The following SLC28A1 variants were observed in gnomAD, a reference collection of about 807,000 sequenced individuals.
The protein encoded by SLC28A1 is sodium/nucleoside cotransporter 1.
In SLC28A1, 64 loss-of-function variants were observed where a neutral mutation model predicts 74.8. The ratio of observed to expected loss-of-function variants is 0.86; its 90% CI spans 0.70 to 1.05. The LOEUF is 1.05. SLC28A1 is among the 50% of genes least tolerant of loss of function. The pLI is 0.00. For synonymous variants in SLC28A1, 359 were observed against 335.0 expected, an observed-to-expected ratio of 1.07 and a Z score of -0.78; for missense variants, 828 against 822.8, an observed-to-expected ratio of 1.01 and a Z score of -0.08.
At position 84,908,756 on chromosome 15, in the gene SLC28A1, G is replaced by C. The variant is rs775664316; in HGVS notation, c.756G>C (p.Val252=). 5.0e-6 allele frequency: 8 copies of C among 1,613,946 alleles called. No individual in the cohort carries two copies. In the East Asian group the frequency reaches 1.6e-4, roughly 31 times the overall value. The change falls in exon 9 of 19, where the codon GTG becomes GTC. Residue 252 remains valine (V), a synonymous_variant. Coordinates refer to ENST00000394573, the MANE Select transcript of SLC28A1 (RefSeq NM_004213.5). ...ACACGAAGGCTGGCTCCAGCTTCGTGTTTGGGGAGGCGCTGGTCAAGGATG... is the reference window on the plus strand; with the variant it reads ...ACACGAAGGCTGGCTCCAGCTTCGTCTTTGGGGAGGCGCTGGTCAAGGATG... The part of the protein sequence containing the change: ...LSYTKAGSSF[V]FGEALVKDVF...
intron 12 of SLC28A1, among the ~76,000 whole-genome samples, chr15:84,932,163 G>A (rs550579509): frequency 1.3e-5 from 2 of 152,272 alleles, no homozygotes; most frequent in African/African-American, 4.8e-5. Flanking sequence ...TACCTGCAAT[G>A]TTGTGGGCCC....
Position 84,918,584 on chromosome 15 carries a change from A to G in SLC28A1, c.856A>G (p.Met286Val), listed in dbSNP as rs1969419975. The part of the protein sequence containing the change: ...VISVLYHVGL[M>V]QWVILKIAWL... ...ATCCGTTCTCTACCACGTGGGCCTC[A>G]TGCAGTGGGTGATCCTGAAGGTAAG... Residue 286 changes from methionine to valine, a missense_variant, in exon 10 of 19, where the codon ATG becomes GTG. By Grantham distance (21) the Met-to-Val change is conservative. Around this residue, in one of 3 missense-constraint regions of SLC28A1, gnomAD observed 767 missense variants for 753.5 expected, o/e 1.02. Transcript: ENST00000394573. 1 of 1,613,416 alleles carries G rather than the reference A, an allele frequency of 6.2e-7. No individual in the cohort carries two copies. The highest frequency in any genetic ancestry group is 8.5e-7 in the Non-Finnish European group (1 of 1,179,440).
At chr15:84,946,101 T>C (rs2079207545), downstream of SLC28A1, among the ~76,000 whole-genome samples, 1 of 25,636 alleles carries the variant, frequency 3.9e-5, no homozygotes, top group African/African-American at 1.2e-4. Context: ...TATATATATA[T>C]ATATATATAT....
the SLC28A1 span, among the ~76,000 whole-genome samples, chr15:84,971,618 C>G: frequency 2.0e-5 from 3 of 151,956 alleles, no homozygotes; most frequent in Non-Finnish European, 2.9e-5. Context: ...GAATGTACAC[C>G]AAATATACCC....
In SLC28A1 at chr15:84,943,512, T is replaced by G; in HGVS notation, c.1649T>G (p.Met550Arg). ...GFANFSSIGI[M>R]LGGLTSMVPQ... is the part of the protein sequence containing the mutation. ...GCCAATTTCAGCTCCATTGGGATCA[T>G]GCTGGGAGGCTTGAGTGAGTCTAAT... Residue 550 changes from methionine to arginine, a missense_variant, in exon 16 of 19, where the codon ATG becomes AGG. Met to Arg is a moderately conservative substitution (Grantham distance 91, BLOSUM62 -1). Coordinates refer to ENST00000394573, the MANE Select transcript of SLC28A1 (RefSeq NM_004213.5). The G allele has an allele frequency of 6.2e-7, 1 of 1,613,854 alleles. No individual in the cohort carries two copies. Among genetic ancestry groups the G allele is most frequent in the Non-Finnish European group, 8.5e-7 (1 of 1,179,706 alleles).
At chr15:84,916,240 C>CAGGTGTGGGCCACCATGCCTGGCTTTTTT (rs1555449976) in intron 9 of SLC28A1, among the ~76,000 whole-genome samples, 1 of 98,424 alleles carries the variant, frequency 1.0e-5, no homozygotes, top group African/African-American at 4.9e-5. Flanking sequence ...GCTGGGATTA[C>CAGGTGTGGGCCACCATGCCTGGCTTTTTT]TTTTTTTTTT....
In SLC28A1 at chr15:84,935,064, C is replaced by T. The variant is rs752052787; in HGVS notation, c.1253C>T (p.Ala418Val). 3.4e-5 allele frequency: 55 copies of T among 1,613,952 alleles called. No individual in the cohort carries two copies. The highest frequency in any genetic ancestry group is 4.2e-5 in the Non-Finnish European group (50 of 1,179,916). ...CTCATAGAAGCAGCCAGCACTGGGG[C>T]CGCCATCTCCGTGAAGGTGGTCGCC... is the stretch of plus-strand genomic sequence containing the variant. ...QNLIEAASTG[A>V]AISVKVVANI... The change falls in exon 14 of 19, where the codon GCC (alanine) becomes GTC (valine). Residue 418 changes from alanine (A) to valine (V), a missense_variant. Ala to Val is a moderately conservative substitution (Grantham distance 64). This residue lies in a region of SLC28A1 where 767 missense variants were observed against 753.5 expected (regional missense o/e 1.02). Coordinates refer to ENST00000394573, the MANE Select transcript of SLC28A1 (RefSeq NM_004213.5).
intron 7 of SLC28A1, among the ~76,000 whole-genome samples, chr15:84,905,022 G>C (rs1233234348): frequency 6.6e-6 from 1 of 152,220 alleles, no homozygotes; most frequent in Non-Finnish European, 1.5e-5. Context: ...ATTATTAAAT[G>C]CTCATCAAGG....
chr15:84,952,076 A>T, the SLC28A1 span, among the ~76,000 whole-genome samples: 1 of 152,122 alleles, frequency 6.6e-6, no homozygotes. Flanking sequence ...CAGTCTACCC[A>T]CTAAGATCCG....
At chr15:84,946,068 A>ATATGTGTG (rs1555458378), downstream of SLC28A1, among the ~76,000 whole-genome samples, 208 of 60,154 alleles carry the variant, frequency 3.5e-3, 6 homozygotes, top group Middle Eastern at 0.026. Flanking sequence ...ACATATATAT[A>ATATGTGTG]TATGTGTGTG....
the SLC28A1 span, among the ~76,000 whole-genome samples, chr15:84,961,833 CG>C: frequency 1.3e-5 from 2 of 152,150 alleles, no homozygotes; most frequent in South Asian, 4.1e-4. Flanking sequence ...GGATTCACAA[CG>C]GCAGCACCTA....
intron 5 of SLC28A1, among the ~76,000 whole-genome samples, chr15:84,894,048 T>C (rs890028354): frequency 2.6e-5 from 4 of 152,156 alleles, no homozygotes; most frequent in African/African-American, 9.7e-5. Flanking sequence ...TCCTTTCCAT[T>C]CTTCGAAGAT....
At chr15:84,900,463 C>CGAAGAGAA (rs1173566973) in intron 6 of SLC28A1, among the ~76,000 whole-genome samples, 1 of 147,046 alleles carries the variant, frequency 6.8e-6, no homozygotes, top group Non-Finnish European at 1.5e-5. Flanking sequence ...GGAAATTCTT[C>CGAAGAGAA]GAAGAGAAGG....
the SLC28A1 span, among the ~76,000 whole-genome samples, chr15:84,965,903 A>AGGGGGGGGGGGGGG: frequency 8.5e-6 from 1 of 117,762 alleles, no homozygotes; most frequent in African/African-American, 3.3e-5. Flanking sequence ...GGAGGCGGGG[A>AGGGGGGGGGGGGGG]GGGGGGGGAA....
Position 84,904,203 on chromosome 15 carries a change from G to A in SLC28A1, c.568G>A (p.Ala190Thr), listed in dbSNP as rs45523532. The A allele has an allele frequency of 2.0e-5, 33 of 1,613,974 alleles. No homozygotes were observed. The East Asian group carries it at 5.1e-4, about 25-fold the overall frequency. The change falls in exon 7 of 19, where the codon GCT (alanine) becomes ACT (threonine). Residue 190 changes from alanine (A) to threonine (T), a missense_variant. Coordinates refer to ENST00000394573, the MANE Select transcript of SLC28A1 (RefSeq NM_004213.5). ...VSFAGICVFV[A>T]LLFACSKHHC... ...CTTCGCAGGAATCTGCGTGTTCGTC[G>A]CTCTCCTCTTTGCCTGCTCAAAGCA...
At chr15:84,962,396 T>A in the SLC28A1 span, among the ~76,000 whole-genome samples, 1 of 152,184 alleles carries the variant, frequency 6.6e-6, no homozygotes, top group Non-Finnish European at 1.5e-5. Context: ...TTATAGAGAC[T>A]CTGTAAGGTG....
At chr15:84,943,310 C>T (rs898250175) in intron 15 of SLC28A1, 135 bp from the exon 16 acceptor site, 8 of 697,510 alleles carry the variant, frequency 1.1e-5, no homozygotes, top group African/African-American at 5.2e-5. Flanking sequence ...GCTGGGGAAG[C>T]GGCAGCACAG....
rs1971734412 is a variant in SLC28A1 at position 84,935,165 on chromosome 15, A to G, written c.1354A>G (p.Met452Val). 1 of 1,613,966 alleles carries G rather than the reference A, an allele frequency of 6.2e-7. No homozygotes were observed. Among genetic ancestry groups the G allele is most frequent in the Non-Finnish European group, 8.5e-7 (1 of 1,179,898 alleles). Residue 452 changes from methionine (M) to valine (V), a missense_variant, in exon 14 of 19, where the codon ATG becomes GTG. Physicochemically the swap from Met to Val is conservative, Grantham distance 21 (BLOSUM62 1). This residue lies in a region of SLC28A1 where 767 missense variants were observed against 753.5 expected (regional missense o/e 1.02). Transcript: ENST00000394573. ...INAALSWLGD[M>V]VDIQGLSFQL... ...TGCTGCCCTCTCCTGGCTGGGAGAC[A>G]TGGTGGACATCCAAGGGCTCAGCTT... is the stretch of plus-strand genomic sequence containing the variant.
chr15:84,932,306 G>A (rs1971398647), intron 12 of SLC28A1, among the ~76,000 whole-genome samples: 1 of 152,156 alleles, frequency 6.6e-6, no homozygotes, highest in South Asian at 2.1e-4. Flanking sequence ...CAGTGATAGG[G>A]GGAAACGTGT....
Sources: allele counts gnomAD v4.1 joint callset (sites outside exome capture counted in the v4.1 genomes callset), GRCh38; gene constraint gnomAD v4.1.1; regional missense constraint gnomAD v4.1.1; transcripts MANE v1.5; gene names NCBI Gene and HGNC (gene_info 2026-07-23, HGNC 2026-07-21).